PLCG2: variants seen among roughly 807,000 people sequenced by gnomAD.
The protein encoded by PLCG2 is phospholipase C gamma 2.
A neutral mutation model predicts 175.6 loss-of-function variants in PLCG2; 69 were observed. That is an observed-to-expected ratio of 0.39 (90% CI 0.32 to 0.48). The LOEUF (loss-of-function observed/expected upper bound fraction) is 0.48, where lower values mean the gene tolerates loss of function less well. PLCG2 is among the 20% of genes least tolerant of loss of function. PLCG2 has a pLI of 0.91. For synonymous variants in PLCG2, 827 were observed against 624.0 expected (o/e 1.33, Z -4.85); for missense variants, 1,798 against 1,650.9 (o/e 1.09, Z -1.54).
chr16:81,921,651 G>T, intron 21 of PLCG2: 1 of 303,512 alleles, frequency 3.3e-6, no homozygotes. Flanking sequence ...TTCCCACCCT[G>T]ACTCTGTTGT....
Position 81,949,668 on chromosome 16 carries a change from A to G in PLCG2, c.3570+3405A>G, listed in dbSNP as rs552174232. ...GAGGTGAAGAGAGGGAAACCAGTGA[A>G]TAATTAATTTTGCAGTACAGTTACA... On this transcript the variant is annotated intron_variant, in intron 31 of 32. Coordinates refer to ENST00000564138, the MANE Select transcript of PLCG2 (RefSeq NM_002661.5). Among the ~76,000 whole-genome samples the G allele has an allele frequency of 3.3e-5, 5 of 152,378 alleles. No homozygotes were observed. In the South Asian group the frequency reaches 1.0e-3, roughly 32 times the overall value.
intron 11 of PLCG2, among the ~76,000 whole-genome samples, chr16:81,892,948 G>C (rs892542362): frequency 7.9e-5 from 12 of 151,396 alleles, no homozygotes; most frequent in African/African-American, 2.7e-4. Flanking sequence ...CGGTTCAACA[G>C]ATTCTCCTGC....
intron 14 of PLCG2, among the ~76,000 whole-genome samples, chr16:81,904,586 A>C (rs370392747): frequency 3.9e-4 from 59 of 152,324 alleles, no homozygotes; most frequent in African/African-American, 1.3e-3. Context: ...CACCCTGCCC[A>C]GCCTGTTCCC....
At chr16:81,902,646 C>T (rs1248895206) in intron 14 of PLCG2, among the ~76,000 whole-genome samples, 1 of 152,020 alleles carries the variant, frequency 6.6e-6, no homozygotes, top group Non-Finnish European at 1.5e-5. Context: ...CATTCCCATT[C>T]ATAAAAGCTC....
chr16:81,901,755 C>T (rs920526804), intron 14 of PLCG2, among the ~76,000 whole-genome samples: 2 of 152,084 alleles, frequency 1.3e-5, no homozygotes, highest in African/African-American at 2.4e-5. Flanking sequence ...ATGTTGTGCT[C>T]GTCATCACTT....
intron 2 of PLCG2, among the ~76,000 whole-genome samples, chr16:81,797,954 CT>C (rs1461327109): frequency 6.6e-6 from 1 of 152,072 alleles, no homozygotes; most frequent in African/African-American, 2.4e-5. Flanking sequence ...CCTCAGCCTC[CT>C]GAGTAGCTGG....
At chr16:81,943,832 A>G (rs533446751) in intron 30 of PLCG2, among the ~76,000 whole-genome samples, 1 of 152,316 alleles carries the variant, frequency 6.6e-6, no homozygotes, top group African/African-American at 2.4e-5. Flanking sequence ...CAATGAGAGC[A>G]ATGTCCCCAT....
At chr16:81,767,478 C>T (rs1910176752) in intron 2 of PLCG2, 1 of 152,172 alleles carries the variant, frequency 6.6e-6, no homozygotes, top group Non-Finnish European at 1.5e-5. Context: ...TTACTAGGCT[C>T]AGCTTAGGGA....
chr16:81,801,826 G>A (rs1367368982), intron 2 of PLCG2, among the ~76,000 whole-genome samples: 4 of 151,886 alleles, frequency 2.6e-5, no homozygotes, highest in Admixed American at 2.0e-4. Flanking sequence ...GATTACAGTT[G>A]TACACCACCA....
chr16:81,822,817 T>G (rs1475854112), intron 2 of PLCG2, among the ~76,000 whole-genome samples: 1 of 126,666 alleles, frequency 7.9e-6, no homozygotes, highest in African/African-American at 3.1e-5. Flanking sequence ...TAGAAGACAA[T>G]GGCAAGATGA....
intron 2 of PLCG2, among the ~76,000 whole-genome samples, chr16:81,758,350 G>A (rs376638572): frequency 2.0e-5 from 3 of 152,126 alleles, no homozygotes; most frequent in African/African-American, 7.2e-5. Context: ...TTTTATTGCT[G>A]AGTAATATTC....
chr16:81,953,963 G>A (rs994006940), intron 31 of PLCG2, among the ~76,000 whole-genome samples: 9 of 152,162 alleles, frequency 5.9e-5, no homozygotes, highest in Admixed American at 5.2e-4. Context: ...TTTCTTCTAG[G>A]TGCAGAAAAG....
chr16:81,756,152 C>T (rs1489948821), intron 2 of PLCG2, among the ~76,000 whole-genome samples: 1 of 152,224 alleles, frequency 6.6e-6, no homozygotes, highest in Non-Finnish European at 1.5e-5. Context: ...TGTCATTATT[C>T]CGCAAGATCA....
At chr16:81,871,906 A>G (rs1907536873) in intron 7 of PLCG2, among the ~76,000 whole-genome samples, 1 of 152,208 alleles carries the variant, frequency 6.6e-6, no homozygotes, top group African/African-American at 2.4e-5. Flanking sequence ...ATTATGTGAC[A>G]TTATGCAGCT....
chr16:81,883,683 C>T (rs544438213), intron 9 of PLCG2: 56 of 341,840 alleles, frequency 1.6e-4, no homozygotes, highest in African/African-American at 1.1e-3. Flanking sequence ...CTTTTCTGGC[C>T]ATCATCTCAG....
chr16:81,852,353 C>T (rs1463813028), intron 2 of PLCG2, among the ~76,000 whole-genome samples: 2 of 152,090 alleles, frequency 1.3e-5, no homozygotes, highest in Non-Finnish European at 2.9e-5. Context: ...CCCCTGCTGT[C>T]GCCTTCAGCT....
chr16:81,896,024 C>G (rs911886619), intron 13 of PLCG2, 97 bp downstream of exon 13: 27 of 1,452,036 alleles, frequency 1.9e-5, no homozygotes, highest in Non-Finnish European at 1.3e-5. Flanking sequence ...ACAGACACCT[C>G]CCTCCAAATG....
At chr16:81,925,397 A>G (rs62044883) in intron 22 of PLCG2, among the ~76,000 whole-genome samples, 4,782 of 152,252 alleles carry the variant, frequency 0.031, 99 homozygotes, top group Non-Finnish European at 0.047. Context: ...GATGGTATAT[A>G]TGATCGCCGT....
intron 5 of PLCG2, 98 bp from the exon 6 acceptor site, chr16:81,869,116 C>G (rs910123113): frequency 3.6e-6 from 3 of 836,392 alleles, no homozygotes; most frequent in Non-Finnish European, 4.1e-6. Flanking sequence ...CAGGCTCTCT[C>G]ATAGAGGGCT....
Sources: gnomAD v4.1 joint callset for allele counts (sites outside exome capture counted in the v4.1 genomes callset) on GRCh38, gnomAD v4.1.1 for gene constraint, MANE v1.5 for transcripts, NCBI Gene and HGNC (gene_info 2026-07-23, HGNC 2026-07-21) for gene names.